The following UACA variants were observed in gnomAD, a reference collection of about 807,000 sequenced individuals.
UACA encodes the protein uveal autoantigen with coiled-coil domains and ankyrin repeats, also known as nuclear membrane binding protein.
A neutral mutation model predicts 160.5 loss-of-function variants in UACA; 112 were observed. That is an observed-to-expected ratio of 0.70 (90% CI 0.60 to 0.82). UACA has a LOEUF of 0.82. Ranked by LOEUF, UACA falls within the 40% of genes least tolerant of loss-of-function variation. The pLI is 0.00. For missense variants in UACA, 1,574 were observed against 1,614.6 expected (o/e 0.97, Z 0.43); for synonymous variants, 557 against 568.4 (o/e 0.98, Z 0.29).
chr15:70,743,887 AAGGTAAAT>A (rs1899613389), intron 1 of UACA, among the ~76,000 whole-genome samples: 1 of 152,162 alleles, frequency 6.6e-6, no homozygotes, highest in Non-Finnish European at 1.5e-5. Context: ...AAGATTAGAA[AAGGTAAAT>A]AGGCCAAATG....
intron 1 of UACA, among the ~76,000 whole-genome samples, chr15:70,701,071 GA>G: frequency 6.6e-6 from 1 of 152,092 alleles, no homozygotes; most frequent in East Asian, 1.9e-4. Context: ...AACTGAATAT[GA>G]AAAAAAGACA....
intron 11 of UACA, 48 bp downstream of exon 11, chr15:70,678,051 A>G: frequency 7.4e-7 from 1 of 1,344,128 alleles, no homozygotes; most frequent in Non-Finnish European, 1.0e-6. Context: ...ACAATTTGCT[A>G]TTGATATAGT....
chr15:70,775,551 AT>A, the UACA span, among the ~76,000 whole-genome samples: 1 of 152,144 alleles, frequency 6.6e-6, no homozygotes, highest in Non-Finnish European at 1.5e-5. Context: ...ATTCTAATGT[AT>A]TTTTGATATT....
chr15:70,691,098 C>T (rs888754963), intron 4 of UACA, among the ~76,000 whole-genome samples: 16 of 152,130 alleles, frequency 1.1e-4, no homozygotes, highest in Non-Finnish European at 1.5e-5. Context: ...ATTTTTAATA[C>T]ACTGAGTTAT....
chr15:70,777,851 G>A, the UACA span, among the ~76,000 whole-genome samples: 1 of 152,150 alleles, frequency 6.6e-6, no homozygotes, highest in Admixed American at 6.5e-5. Context: ...AGAAGTGGTG[G>A]AGAAATTTTT....
At chr15:70,657,219 T>G in intron 18 of UACA, 92 bp from the exon 19 acceptor site, 2 of 959,684 alleles carry the variant, frequency 2.1e-6, no homozygotes, top group African/African-American at 1.6e-5. Context: ...GCATAACTAG[T>G]CATTGATTCA....
chr15:70,670,724 TC>T (rs1291893606), intron 15 of UACA, among the ~76,000 whole-genome samples: 4 of 152,078 alleles, frequency 2.6e-5, no homozygotes, highest in Non-Finnish European at 5.9e-5. Context: ...ATATCTGTCT[TC>T]CCCTTTATAT....
chr15:70,765,136 T>A (rs1287728611), upstream of UACA, among the ~76,000 whole-genome samples: 1 of 152,186 alleles, frequency 6.6e-6, no homozygotes, highest in Admixed American at 6.5e-5. Flanking sequence ...TTCAGCCCAT[T>A]CTCCAAACAT....
chr15:70,722,628 G>C (rs979521949), intron 1 of UACA, among the ~76,000 whole-genome samples: 1 of 152,018 alleles, frequency 6.6e-6, no homozygotes, highest in Admixed American at 6.5e-5. Flanking sequence ...TTTATTTTTT[G>C]TTATACGTCT....
intron 7 of UACA, among the ~76,000 whole-genome samples, chr15:70,685,468 C>T (rs1018042924): frequency 6.6e-6 from 1 of 152,124 alleles, no homozygotes; most frequent in African/African-American, 2.4e-5. Context: ...TGTCCCCCAA[C>T]TCCCCTGTAG....
chr15:70,690,589 G>C, intron 4 of UACA, 78 bp from the exon 5 acceptor site: 1 of 1,091,288 alleles, frequency 9.2e-7, no homozygotes, highest in Non-Finnish European at 1.4e-6. Context: ...ATGAACAGCT[G>C]TTATTTAATC....
intron 18 of UACA, among the ~76,000 whole-genome samples, chr15:70,659,387 T>TTTTG (rs1338052481): frequency 1.1e-4 from 15 of 134,066 alleles, no homozygotes; most frequent in South Asian, 4.7e-4. Context: ...CTTCTTCATT[T>TTTTG]TTTGTTTGTT....
At chr15:70,777,368 T>G in the UACA span, among the ~76,000 whole-genome samples, 2 of 151,950 alleles carry the variant, frequency 1.3e-5, no homozygotes, top group Admixed American at 1.3e-4. Context: ...GAGGGACATA[T>G]GAGATGGAGA....
Position 70,687,520 on chromosome 15 carries a change from A to G in UACA, c.602+20T>C. Reference sequence around the variant, plus strand: ...CCTGTGTATCCAGCTGGTATCTGGGAGCCATGATAAAAGAATTACCTGTTT... The same window carrying G: ...CCTGTGTATCCAGCTGGTATCTGGGGGCCATGATAAAAGAATTACCTGTTT... On this transcript the variant is annotated intron_variant, in intron 7 of 18. Coordinates refer to ENST00000322954, the MANE Select transcript of UACA (RefSeq NM_018003.4). 6.2e-7 allele frequency: 1 copy of G among 1,606,598 alleles called. No individual in the cohort carries two copies. Among genetic ancestry groups the G allele is most frequent in the Non-Finnish European group, 8.5e-7 (1 of 1,173,372 alleles).
chr15:70,667,546 A>C lies in UACA; in HGVS notation c.3138T>G (p.Asp1046Glu), dbSNP rs200022948. 9 of 1,613,032 alleles carry C rather than the reference A, an allele frequency of 5.6e-6. No homozygotes were observed. The highest frequency in any genetic ancestry group is 2.2e-5 in the South Asian group (2 of 91,050). Reference protein sequence around the residue: ...EIFTLQKDLRDKTVLIEKSHE... With the variant: ...EIFTLQKDLREKTVLIEKSHE... ...GAGACTTCTCAATGAGAACTGTCTT[A>C]TCTCTCAAATCTTTCTGAAGGGTAA... The change falls in exon 16 of 19, where the codon GAT becomes GAG. Residue 1046 changes from aspartate to glutamate, a missense_variant. Coordinates refer to ENST00000322954, the MANE Select transcript of UACA (RefSeq NM_018003.4).
chr15:70,698,057 A>G (rs1283175297), intron 2 of UACA, among the ~76,000 whole-genome samples: 1 of 152,184 alleles, frequency 6.6e-6, no homozygotes, highest in Non-Finnish European at 1.5e-5. Context: ...GTCTCAAAAA[A>G]ATAAAAAAAT....
intron 1 of UACA, among the ~76,000 whole-genome samples, chr15:70,746,450 CAGTT>C (rs1371608059): frequency 6.6e-6 from 1 of 151,264 alleles, no homozygotes; most frequent in African/African-American, 2.5e-5. Flanking sequence ...CATCTCATGA[CAGTT>C]AGAATGGCAA....
intron 9 of UACA, chr15:70,681,738 T>C (rs1280952304): frequency 6.6e-6 from 1 of 152,194 alleles, no homozygotes; most frequent in East Asian, 1.9e-4. Flanking sequence ...ATGACCCATA[T>C]ATGAACATAT....
intron 1 of UACA, among the ~76,000 whole-genome samples, chr15:70,743,555 T>C (rs1899604066): frequency 6.6e-6 from 1 of 152,134 alleles, no homozygotes; most frequent in Non-Finnish European, 1.5e-5. Flanking sequence ...CCTAAAATTC[T>C]AAAAATCTAA....
Sources: allele counts gnomAD v4.1 joint callset (sites outside exome capture counted in the v4.1 genomes callset), GRCh38; gene constraint gnomAD v4.1.1; transcripts MANE v1.5; gene names NCBI Gene and HGNC (gene_info 2026-07-23, HGNC 2026-07-21).